Variants in PTPRG observed in about 807,000 individuals in gnomAD.
PTPRG encodes the protein receptor-type tyrosine-protein phosphatase gamma.
A neutral mutation model predicts 165.3 loss-of-function variants in PTPRG; 102 were observed. That is an observed-to-expected ratio of 0.62 (90% confidence interval 0.53 to 0.73). PTPRG has a LOEUF of 0.73. PTPRG is among the 30% of genes least tolerant of loss of function. The pLI is 0.00. For missense variants in PTPRG, 1,866 were observed against 1,861.4 expected (o/e 1.00, Z -0.05); for synonymous variants, 675 against 669.5 (o/e 1.01, Z -0.13).
chr3:62,178,284 T>C (rs1705513079), intron 8 of PTPRG, among the ~76,000 whole-genome samples: 1 of 151,892 alleles, frequency 6.6e-6, no homozygotes. Context: ...GATGGGAGGA[T>C]GGAGGGATGC....
intron 1 of PTPRG, among the ~76,000 whole-genome samples, chr3:61,666,634 T>G (rs188643022): frequency 7.2e-5 from 11 of 152,228 alleles, no homozygotes; most frequent in Admixed American, 6.5e-4. Flanking sequence ...TCTCAAAACC[T>G]AAGGCAGAGT....
chr3:61,992,374 T>A (rs2040917830), intron 3 of PTPRG, among the ~76,000 whole-genome samples: 1 of 152,212 alleles, frequency 6.6e-6, no homozygotes, highest in Non-Finnish European at 1.5e-5. Context: ...TAGGTCTTTT[T>A]TTCTGAGACG....
intron 13 of PTPRG, among the ~76,000 whole-genome samples, chr3:62,220,899 G>A (rs1226157918): frequency 6.6e-6 from 1 of 152,088 alleles, no homozygotes; most frequent in Non-Finnish European, 1.5e-5. Flanking sequence ...TTTGTACCCA[G>A]CAATTCTGGC....
intron 1 of PTPRG, among the ~76,000 whole-genome samples, chr3:61,573,539 T>C (rs1234173813): frequency 7.2e-5 from 11 of 152,232 alleles, no homozygotes; most frequent in Non-Finnish European, 1.6e-4. Flanking sequence ...ACCCTTGTTT[T>C]AGTACATGTT....
intron 1 of PTPRG, among the ~76,000 whole-genome samples, chr3:61,695,620 T>C (rs1356292046): frequency 6.6e-6 from 1 of 152,216 alleles, no homozygotes; most frequent in Non-Finnish European, 1.5e-5. Flanking sequence ...ACAGTTTGGC[T>C]TGATTTGATT....
chr3:62,260,274 TA>T (rs1171062672), intron 16 of PTPRG, among the ~76,000 whole-genome samples: 1 of 152,228 alleles, frequency 6.6e-6, no homozygotes, highest in African/African-American at 2.4e-5. Flanking sequence ...TATTCTCAGC[TA>T]CCTTTTTGGA....
At chr3:62,196,520 C>G (rs755281607) in intron 10 of PTPRG, among the ~76,000 whole-genome samples, 2 of 152,334 alleles carry the variant, frequency 1.3e-5, no homozygotes, top group Non-Finnish European at 2.9e-5. Context: ...CTCTGTCTTA[C>G]TTGCGCCAAC....
At chr3:62,088,341 T>C (rs563772866) in intron 5 of PTPRG, among the ~76,000 whole-genome samples, 1 of 152,290 alleles carries the variant, frequency 6.6e-6, no homozygotes, top group Admixed American at 6.5e-5. Context: ...ACTGAAGATA[T>C]CAGAATATCT....
chr3:61,858,046 C>T (rs772135577), intron 2 of PTPRG, among the ~76,000 whole-genome samples: 6 of 152,198 alleles, frequency 3.9e-5, no homozygotes, highest in Non-Finnish European at 7.3e-5. Context: ...CTGGCTTAAA[C>T]TGATACATGT....
At chr3:61,953,702 G>C (rs1046483616) in intron 2 of PTPRG, among the ~76,000 whole-genome samples, 8 of 152,102 alleles carry the variant, frequency 5.3e-5, no homozygotes, top group African/African-American at 1.9e-4. Context: ...AATGTAGAAG[G>C]GTGATGGAGA....
intron 2 of PTPRG, among the ~76,000 whole-genome samples, chr3:61,943,226 C>A (rs1467935374): frequency 6.6e-6 from 1 of 152,166 alleles, no homozygotes; most frequent in Non-Finnish European, 1.5e-5. Context: ...TTTGGTCTAA[C>A]CACATCCTGT....
At chr3:61,664,512 A>C (rs536940703) in intron 1 of PTPRG, among the ~76,000 whole-genome samples, 93 of 152,362 alleles carry the variant, frequency 6.1e-4, no homozygotes, top group African/African-American at 2.0e-3. Context: ...GTAAATAATT[A>C]TGAGCATTAC....
chr3:61,803,248 A>G (rs1487078300), intron 2 of PTPRG, among the ~76,000 whole-genome samples: 2 of 152,234 alleles, frequency 1.3e-5, no homozygotes, highest in African/African-American at 4.8e-5. Context: ...ATTAAATTAC[A>G]TTTAGTTGTT....
chr3:61,666,732 C>A (rs1702822524), intron 1 of PTPRG, among the ~76,000 whole-genome samples: 1 of 152,192 alleles, frequency 6.6e-6, no homozygotes, highest in African/African-American at 2.4e-5. Context: ...GGAGGACCAT[C>A]CTGTTCATCG....
chr3:62,227,036 G>GT (rs1387962428), intron 13 of PTPRG, among the ~76,000 whole-genome samples: 2 of 152,188 alleles, frequency 1.3e-5, no homozygotes, highest in Non-Finnish European at 2.9e-5. Flanking sequence ...CCGCAAATGT[G>GT]TGGGGGATTT....
intron 2 of PTPRG, among the ~76,000 whole-genome samples, chr3:61,776,449 A>T (rs996735178): frequency 6.6e-6 from 1 of 152,170 alleles, no homozygotes; most frequent in East Asian, 1.9e-4. Flanking sequence ...CCCAGGTGTC[A>T]CTTTATGCTT....
chr3:61,947,351 A>G (rs150354123), intron 2 of PTPRG, among the ~76,000 whole-genome samples: 1 of 152,382 alleles, frequency 6.6e-6, no homozygotes, highest in Admixed American at 6.5e-5. Flanking sequence ...GAGAAATTAT[A>G]CATACAAAAT....
chr3:61,855,447 G>A (rs2037074305), intron 2 of PTPRG, among the ~76,000 whole-genome samples: 1 of 151,980 alleles, frequency 6.6e-6, no homozygotes, highest in African/African-American at 2.4e-5. Context: ...CAAGTCTGGT[G>A]GTTTTCAAAG....
intron 1 of PTPRG, among the ~76,000 whole-genome samples, chr3:61,566,753 C>T (rs570871749): frequency 2.0e-5 from 3 of 152,322 alleles, no homozygotes; most frequent in East Asian, 1.9e-4. Context: ...GTGCTCTGCC[C>T]ACCTCGGCCT....
Sources: gnomAD v4.1 joint callset for allele counts (sites outside exome capture counted in the v4.1 genomes callset) on GRCh38, gnomAD v4.1.1 for gene constraint, MANE v1.5 for transcripts, NCBI Gene and HGNC (gene_info 2026-07-23, HGNC 2026-07-21) for gene names.